Variants in MYLK observed in about 807,000 individuals in gnomAD.
The protein encoded by MYLK is myosin light chain kinase, also known as myosin light chain kinase, smooth muscle.
A neutral mutation model predicts 203.4 loss-of-function variants in MYLK; 106 were observed. The observed-to-expected ratio is 0.52, with a 90% CI of 0.45 to 0.61. The LOEUF is 0.61. Among genes scored for constraint, MYLK ranks in the 20% least tolerant of loss-of-function variants. The pLI, the probability that MYLK is intolerant of heterozygous loss-of-function variation, is 0.00. For synonymous variants in MYLK, 867 were observed against 959.5 expected (o/e 0.90, Z 1.78); for missense variants, 2,072 against 2,442.3 (o/e 0.85, Z 3.20).
At position 123,655,230 on chromosome 3, in the gene MYLK, T is replaced by A. The variant is rs139281615; in HGVS notation, c.4288+1896A>T. Among the ~76,000 whole-genome samples, 189 of 152,238 alleles carry A rather than the reference T, an allele frequency of 1.2e-3. 2 individuals are homozygous for A. The highest frequency in any genetic ancestry group is 4.4e-3 in the African/African-American group (183 of 41,548). ...ACCCTCTGAGTCCTCATCTCCTTCA[T>A]TTTTATTTAGCATTGGATGCAGTTT... On this transcript the variant is annotated intron_variant, in intron 24 of 33. Coordinates refer to ENST00000360304, the MANE Select transcript of MYLK (RefSeq NM_053025.4).
At chr3:123,819,206 C>T (rs562043539) in intron 3 of MYLK, among the ~76,000 whole-genome samples, 6 of 152,290 alleles carry the variant, frequency 3.9e-5, no homozygotes, top group Admixed American at 1.3e-4. Flanking sequence ...CCTTTGTTCC[C>T]GACTATCTTT....
At chr3:123,776,198 G>A (rs1028138986) in intron 4 of MYLK, among the ~76,000 whole-genome samples, 1 of 152,170 alleles carries the variant, frequency 6.6e-6, no homozygotes, top group Admixed American at 6.5e-5. Context: ...GGTTTGGAGG[G>A]AACCAAGCTA....
intron 24 of MYLK, among the ~76,000 whole-genome samples, chr3:123,651,671 G>A (rs1013256575): frequency 6.6e-6 from 1 of 152,180 alleles, no homozygotes; most frequent in South Asian, 2.1e-4. Flanking sequence ...CCAATGGCCC[G>A]GCAGCAGGAG....
chr3:123,821,004 C>T (rs778924757), intron 3 of MYLK, among the ~76,000 whole-genome samples: 19 of 152,200 alleles, frequency 1.2e-4, no homozygotes, highest in Non-Finnish European at 2.2e-4. Context: ...GCTGGGATTA[C>T]AGGCGTGAGC....
At chr3:123,633,203 G>C (rs1219248134) in intron 29 of MYLK, among the ~76,000 whole-genome samples, 1 of 151,830 alleles carries the variant, frequency 6.6e-6, no homozygotes, top group African/African-American at 2.4e-5. Flanking sequence ...ATGGCTCATT[G>C]CAGCCTCAAC....
rs753145843 is a variant in MYLK, at chr3:123,700,831, C to T, written c.2637G>A (p.Thr879=). Residue 879 remains threonine, a synonymous_variant, in exon 18 of 34, where the codon ACG becomes ACA. Coordinates refer to ENST00000360304, the MANE Select transcript of MYLK (RefSeq NM_053025.4). ...GGATCGCCTCCTCAGTGTGCTGCCT[C>T]GTCTCCACGCGCCTCTTCAGCACCC... is the stretch of plus-strand genomic sequence containing the variant. ...VRGVLKRRVE[T]RQHTEEAIRQ... is the part of the protein sequence containing the mutation. 14 of 1,613,976 alleles carry T rather than the reference C, an allele frequency of 8.7e-6. No individual in the cohort carries two copies. The highest frequency in any genetic ancestry group is 5.3e-5 in the African/African-American group (4 of 74,920).
At chr3:123,637,476 T>C (rs1374197364) in intron 29 of MYLK, among the ~76,000 whole-genome samples, 7 of 152,234 alleles carry the variant, frequency 4.6e-5, no homozygotes, top group African/African-American at 1.7e-4. Context: ...CCTGCATTAT[T>C]GTTCATTGAA....
intron 20 of MYLK, among the ~76,000 whole-genome samples, chr3:123,672,331 G>A (rs1560050265): frequency 6.6e-6 from 1 of 152,072 alleles, no homozygotes. Context: ...TGAGGACACA[G>A]GGGAAAGACT....
Position 123,734,365 on chromosome 3 carries a change from T to A in MYLK, c.774-143A>T, listed in dbSNP as rs1449073846. ...CACAAGTTAAGGGCAAGTAAGAGCA[T>A]CTTTCTCTGCAGTTTGCCCAGTTTC... On this transcript the variant is annotated intron_variant, in intron 9 of 33. Coordinates refer to ENST00000360304, the MANE Select transcript of MYLK (RefSeq NM_053025.4). 7.4e-6 allele frequency: 6 copies of A among 811,992 alleles called. No individual in the cohort carries two copies. The East Asian group carries it at 1.4e-4, about 19-fold the overall frequency. The allele number at this position is 811,992 out of a possible 1,614,324, so 50.3% of individuals were successfully genotyped here. A position where few individuals can be genotyped will look rare whatever the true frequency, so the allele number is the denominator to read the frequency against.
intron 24 of MYLK, 104 bp from the exon 25 acceptor site, chr3:123,649,298 A>G: frequency 6.8e-7 from 1 of 1,468,142 alleles, no homozygotes; most frequent in Non-Finnish European, 9.4e-7. Flanking sequence ...CAGCCTCCCC[A>G]GGCAGACGAC....
intron 18 of MYLK, among the ~76,000 whole-genome samples, chr3:123,695,776 G>A (rs957239578): frequency 5.3e-5 from 8 of 152,272 alleles, no homozygotes; most frequent in South Asian, 4.1e-4. Flanking sequence ...TGTTAGACTC[G>A]GAAAAGTGTT....
chr3:123,882,259 C>T (rs111518363), intron 1 of MYLK, among the ~76,000 whole-genome samples: 3 of 151,948 alleles, frequency 2.0e-5, no homozygotes, highest in Non-Finnish European at 2.9e-5. Context: ...ACAAAAAATC[C>T]AAAAAACTAG....
chr3:123,653,228 C>CCT (rs2059276523), intron 24 of MYLK, among the ~76,000 whole-genome samples: 1 of 152,228 alleles, frequency 6.6e-6, no homozygotes, highest in Non-Finnish European at 1.5e-5. Context: ...CTTGATCCCA[C>CCT]CTCTCTGCCA....
At chr3:123,744,666 A>G (rs1252901764) in intron 5 of MYLK, among the ~76,000 whole-genome samples, 1 of 152,194 alleles carries the variant, frequency 6.6e-6, no homozygotes, top group East Asian at 1.9e-4. Context: ...CTTGAAATAC[A>G]CATTCAGTGA....
intron 29 of MYLK, among the ~76,000 whole-genome samples, chr3:123,635,129 A>G (rs1321534900): frequency 6.6e-6 from 1 of 152,138 alleles, no homozygotes; most frequent in East Asian, 1.9e-4. Context: ...CTGGCCCCAG[A>G]AAGGAGAACA....
At chr3:123,789,696 G>T (rs1287551576) in intron 4 of MYLK, among the ~76,000 whole-genome samples, 1 of 149,698 alleles carries the variant, frequency 6.7e-6, no homozygotes, top group African/African-American at 2.5e-5. Context: ...CGGAAGGGAA[G>T]AGATGGGAAG....
rs2058716533 is a variant in MYLK at position 123,638,292 on chromosome 3, GGGGCC to G, written c.4838-103_4838-99del. On this transcript the variant is annotated intron_variant, in intron 28 of 33. Coordinates refer to ENST00000360304, the MANE Select transcript of MYLK (RefSeq NM_053025.4). ...TCTGTGTGTTGACCCCAACCTGGGAGGGGCCAGACACAGGCTTTGGCACAGAGAAC... is the reference window on the plus strand; with the variant it reads ...TCTGTGTGTTGACCCCAACCTGGGAGAGACACAGGCTTTGGCACAGAGAAC... 3 of 1,554,354 alleles carry G rather than the reference GGGGCC, an allele frequency of 1.9e-6. No individual in the cohort carries two copies. In the Admixed American group the frequency reaches 5.1e-5, roughly 26 times the overall value.
intron 2 of MYLK, among the ~76,000 whole-genome samples, chr3:123,857,110 C>T (rs1486313305): frequency 6.6e-6 from 1 of 151,984 alleles, no homozygotes; most frequent in African/African-American, 2.4e-5. Flanking sequence ...CCATCTCACA[C>T]CAGTTAGAAT....
intron 2 of MYLK, among the ~76,000 whole-genome samples, chr3:123,848,042 A>G (rs1157262562): frequency 6.6e-6 from 1 of 151,934 alleles, no homozygotes; most frequent in African/African-American, 2.4e-5. Flanking sequence ...ATCAGTTTAA[A>G]TTCTTTATAA....
Sources: gnomAD v4.1 joint callset for allele counts (sites outside exome capture counted in the v4.1 genomes callset) on GRCh38, gnomAD v4.1.1 for gene constraint, MANE v1.5 for transcripts, NCBI Gene and HGNC (gene_info 2026-07-23, HGNC 2026-07-21) for gene names.